Variants in PTPRD observed in about 807,000 individuals in gnomAD.
PTPRD encodes the protein receptor-type tyrosine-protein phosphatase delta.
A neutral mutation model predicts 214.5 loss-of-function variants in PTPRD; 34 were observed. The ratio of observed to expected loss-of-function variants is 0.16; its 90% confidence interval spans 0.12 to 0.21. The LOEUF (loss-of-function observed/expected upper bound fraction) is 0.21, where lower values mean the gene tolerates loss of function less well. Ranked by LOEUF, PTPRD falls within the 10% of genes least tolerant of loss-of-function variation. The pLI, the probability that PTPRD is intolerant of heterozygous loss-of-function variation, is 1.00. For missense variants in PTPRD, 2,545 were observed against 2,398.7 expected, an observed-to-expected ratio of 1.06 and a Z score of -1.27; for synonymous variants, 1,128 against 845.7, an observed-to-expected ratio of 1.33 and a Z score of -5.79.
intron 12 of PTPRD, among the ~76,000 whole-genome samples, chr9:8,697,274 T>C (rs2097935545): frequency 6.6e-6 from 1 of 152,086 alleles, no homozygotes; most frequent in Non-Finnish European, 1.5e-5. Context: ...CTCAGCTTAA[T>C]AGCCAGAGAA....
intron 2 of PTPRD, among the ~76,000 whole-genome samples, chr9:10,505,068 T>C (rs1236937704): frequency 2.0e-5 from 3 of 152,124 alleles, no homozygotes; most frequent in Non-Finnish European, 4.4e-5. Flanking sequence ...CCATCAGAAA[T>C]TGCAGTCTTG....
intron 3 of PTPRD, among the ~76,000 whole-genome samples, chr9:10,309,217 T>C (rs1270162948): frequency 6.6e-6 from 1 of 152,054 alleles, no homozygotes; most frequent in Non-Finnish European, 1.5e-5. Context: ...AAAAAATATG[T>C]CCTTTTAATT....
chr9:8,441,364 C>T (rs964054179), intron 34 of PTPRD, among the ~76,000 whole-genome samples: 2 of 152,038 alleles, frequency 1.3e-5, no homozygotes, highest in Non-Finnish European at 2.9e-5. Context: ...ACTTGCTCTG[C>T]CAAGTGGGAA....
chr9:10,284,195 C>T (rs968156364), intron 3 of PTPRD, among the ~76,000 whole-genome samples: 1 of 152,024 alleles, frequency 6.6e-6, no homozygotes, highest in African/African-American at 2.4e-5. Context: ...GGCACTCCAG[C>T]CTGTGTGACA....
At chr9:8,328,270 C>T (rs947299218) in intron 44 of PTPRD, among the ~76,000 whole-genome samples, 7 of 152,118 alleles carry the variant, frequency 4.6e-5, no homozygotes, top group Non-Finnish European at 1.0e-4. Flanking sequence ...TTCTCCTTCA[C>T]TTATGAAGCT....
At chr9:8,814,471 T>G (rs76118530) in intron 11 of PTPRD, among the ~76,000 whole-genome samples, 1 of 151,862 alleles carries the variant, frequency 6.6e-6, no homozygotes, top group Non-Finnish European at 1.5e-5. Context: ...CTGAGACCAA[T>G]AGGAAGACCC....
intron 7 of PTPRD, among the ~76,000 whole-genome samples, chr9:9,589,954 C>T (rs1438202063): frequency 1.3e-5 from 2 of 151,898 alleles, no homozygotes; most frequent in African/African-American, 4.8e-5. Context: ...AGCGCTCAAA[C>T]TATTCATACA....
At position 8,656,151 on chromosome 9, in the gene PTPRD, C is replaced by T. The variant is rs1463504322; in HGVS notation, c.65-19307G>A. On this transcript the variant is annotated intron_variant, in intron 12 of 45. Coordinates refer to ENST00000381196, the MANE Select transcript of PTPRD (RefSeq NM_002839.4). Reference sequence around the variant, plus strand: ...CCCACAACTGAATCACCTGTTGTTACTTGTTAAAGATGCATATTCTCTGAG... The same window carrying T: ...CCCACAACTGAATCACCTGTTGTTATTTGTTAAAGATGCATATTCTCTGAG... Among the ~76,000 whole-genome samples, 3 of 152,126 alleles carry T rather than the reference C, an allele frequency of 2.0e-5. No homozygotes were observed. In the East Asian group the frequency reaches 5.8e-4, roughly 29 times the overall value.
chr9:10,088,064 A>G (rs886519758), intron 3 of PTPRD, among the ~76,000 whole-genome samples: 1 of 151,736 alleles, frequency 6.6e-6, no homozygotes, highest in Non-Finnish European at 1.5e-5. Context: ...TTATTTATGT[A>G]TTCATCCATT....
At chr9:10,426,051 G>T (rs78164060) in intron 2 of PTPRD, among the ~76,000 whole-genome samples, 2 of 151,752 alleles carry the variant, frequency 1.3e-5, no homozygotes, top group African/African-American at 2.4e-5. Flanking sequence ...GTAATATTTT[G>T]GATATGGATC....
At chr9:8,678,770 A>G (rs1004385804) in intron 12 of PTPRD, among the ~76,000 whole-genome samples, 3 of 152,208 alleles carry the variant, frequency 2.0e-5, no homozygotes, top group African/African-American at 7.2e-5. Context: ...TTTTGGCCAC[A>G]GATACATAAA....
At chr9:10,446,440 T>C in intron 2 of PTPRD, among the ~76,000 whole-genome samples, 1 of 137,044 alleles carries the variant, frequency 7.3e-6, no homozygotes, top group East Asian at 2.1e-4. Context: ...TTTTTTTTTT[T>C]GCTATGACAA....
chr9:8,592,978 G>A (rs1408023813), intron 14 of PTPRD, among the ~76,000 whole-genome samples: 2 of 152,128 alleles, frequency 1.3e-5, no homozygotes, highest in Admixed American at 1.3e-4. Context: ...ATAAATAAGG[G>A]CAGTACATTT....
intron 7 of PTPRD, among the ~76,000 whole-genome samples, chr9:9,696,963 G>C (rs932217490): frequency 6.6e-6 from 1 of 151,986 alleles, no homozygotes; most frequent in African/African-American, 2.4e-5. Context: ...TTCATTACAT[G>C]TGTTTCTTCT....
intron 3 of PTPRD, among the ~76,000 whole-genome samples, chr9:10,224,734 A>G (rs2099583168): frequency 6.6e-6 from 1 of 152,088 alleles, no homozygotes; most frequent in Non-Finnish European, 1.5e-5. Context: ...ACTTCCACTG[A>G]GACAGGAAGA....
chr9:10,362,423 C>A lies in PTPRD; in HGVS notation c.-599-21406G>T, dbSNP rs976882445. Among the ~76,000 whole-genome samples the A allele has an allele frequency of 4.7e-5, 7 of 150,248 alleles. No individual in the cohort carries two copies. In the East Asian group the frequency reaches 1.2e-3, roughly 25 times the overall value. On this transcript the variant is annotated intron_variant, in intron 2 of 45. Coordinates refer to ENST00000381196, the MANE Select transcript of PTPRD (RefSeq NM_002839.4). ...TCTGGCTCCAGTATATCAAAAGGAA[C>A]TGAGCAATGACTGAATCTGGGCAAA...
At chr9:9,334,433 G>T (rs1368348336) in intron 9 of PTPRD, among the ~76,000 whole-genome samples, 2 of 152,074 alleles carry the variant, frequency 1.3e-5, no homozygotes, top group Non-Finnish European at 2.9e-5. Context: ...TCACCTAGTT[G>T]ATTTATCTAG....
At chr9:9,747,637 C>T (rs1368344108) in intron 6 of PTPRD, among the ~76,000 whole-genome samples, 1 of 150,886 alleles carries the variant, frequency 6.6e-6, no homozygotes, top group East Asian at 2.0e-4. Context: ...ACCTTCGTCT[C>T]GCAGGTTCAC....
At chr9:8,434,905 G>C (rs1199829336) in intron 35 of PTPRD, among the ~76,000 whole-genome samples, 2 of 152,182 alleles carry the variant, frequency 1.3e-5, no homozygotes, top group Non-Finnish European at 2.9e-5. Flanking sequence ...TTCTGATCAA[G>C]AGGAAGAGCA....
Sources: allele counts gnomAD v4.1 joint callset (sites outside exome capture counted in the v4.1 genomes callset), GRCh38; gene constraint gnomAD v4.1.1; transcripts MANE v1.5; gene names NCBI Gene and HGNC (gene_info 2026-07-23, HGNC 2026-07-21).